STXBP5: variants seen among roughly 807,000 people sequenced by gnomAD.
STXBP5 encodes syntaxin binding protein 5.
A neutral mutation model predicts 152.4 loss-of-function variants in STXBP5; 50 were observed. That is an observed-to-expected ratio of 0.33 (90% CI 0.26 to 0.42). The LOEUF (loss-of-function observed/expected upper bound fraction) is 0.42. STXBP5 is among the 10% of genes least tolerant of loss of function. STXBP5 has a pLI of 1.00. For missense variants in STXBP5, 1,167 were observed against 1,388.6 expected, an observed-to-expected ratio of 0.84 and a Z score of 2.54; for synonymous variants, 492 against 494.7, an observed-to-expected ratio of 0.99 and a Z score of 0.07.
chr6:147,248,526 A>G (rs906596272), intron 4 of STXBP5, among the ~76,000 whole-genome samples: 1 of 152,198 alleles, frequency 6.6e-6, no homozygotes, highest in African/African-American at 2.4e-5. Flanking sequence ...CAGAATGGCT[A>G]AAATGTTAGT....
At chr6:147,260,510 C>T in intron 4 of STXBP5, 105 bp from the exon 5 acceptor site, 2 of 1,228,906 alleles carry the variant, frequency 1.6e-6, no homozygotes, top group Non-Finnish European at 2.3e-6. Context: ...GATTATATAC[C>T]AGTTTTGCTG....
In STXBP5 at chr6:147,385,288, T is replaced by A. The variant is rs11545227; in HGVS notation, c.*533T>A. 0.031 allele frequency: 4,796 copies of A among 152,690 alleles called. 126 individuals carry two copies. Among genetic ancestry groups the A allele is most frequent in the Non-Finnish European group, 0.046 (3,138 of 68,364 alleles). 9.5% of individuals were successfully genotyped at this position (152,690 alleles called of 1,614,324 possible). ...TGAAAAAGAAACAAATTGTTTGTTA[T>A]CATCTCTTTAGACAGATAAGCTGAA... On this transcript the variant is annotated 3_prime_UTR_variant, in exon 28 of 28. Transcript: ENST00000321680.
At chr6:147,316,175 A>G (rs1782634421) in intron 15 of STXBP5, 54 bp from the exon 16 acceptor site, 1 of 1,545,464 alleles carries the variant, frequency 6.5e-7, no homozygotes, top group Admixed American at 1.7e-5. Flanking sequence ...ATAAATTGTG[A>G]TAAAATGAGC....
At chr6:147,277,719 G>T (rs774032133) in intron 7 of STXBP5, among the ~76,000 whole-genome samples, 2 of 152,048 alleles carry the variant, frequency 1.3e-5, no homozygotes, top group Non-Finnish European at 2.9e-5. Flanking sequence ...ATTGCAACTA[G>T]TTTTTCTATT....
intron 9 of STXBP5, among the ~76,000 whole-genome samples, chr6:147,295,740 T>A (rs1046321340): frequency 2.0e-5 from 3 of 152,180 alleles, no homozygotes; most frequent in Admixed American, 2.0e-4. Flanking sequence ...AATTCTACAG[T>A]ACTCATAGGC....
intron 22 of STXBP5, among the ~76,000 whole-genome samples, chr6:147,354,475 A>AT (rs1784728622): frequency 6.6e-6 from 1 of 152,072 alleles, no homozygotes; most frequent in Non-Finnish European, 1.5e-5. Context: ...AAAAAAAAAA[A>AT]ACAGGTATAA....
intron 19 of STXBP5, among the ~76,000 whole-genome samples, chr6:147,335,185 C>A (rs952563581): frequency 3.3e-5 from 5 of 151,974 alleles, no homozygotes; most frequent in African/African-American, 1.2e-4. Context: ...ACTAATAAAA[C>A]ATATGGAGGA....
chr6:147,213,477 T>TGTGTGCGCGCGCGCGCGCGCGCGCGC, intron 2 of STXBP5, among the ~76,000 whole-genome samples: 7 of 131,268 alleles, frequency 5.3e-5, no homozygotes, highest in Non-Finnish European at 9.5e-5. Context: ...TGTGTGTGTG[T>TGTGTGCGCGCGCGCGCGCGCGCGCGC]GCGCGCGCAT....
At chr6:147,320,420 C>G (rs959049635) in intron 16 of STXBP5, among the ~76,000 whole-genome samples, 12 of 152,064 alleles carry the variant, frequency 7.9e-5, no homozygotes, top group Admixed American at 7.2e-4. Flanking sequence ...TTAATTATTT[C>G]CATATTTACC....
intron 2 of STXBP5, among the ~76,000 whole-genome samples, chr6:147,210,798 G>A (rs942763610): frequency 2.1e-4 from 32 of 152,272 alleles, no homozygotes; most frequent in African/African-American, 6.5e-4. Flanking sequence ...AAGGGATATT[G>A]TGGTGGATAC....
At chr6:147,348,879 A>G (rs1339777006) in intron 21 of STXBP5, among the ~76,000 whole-genome samples, 1 of 152,212 alleles carries the variant, frequency 6.6e-6, no homozygotes, top group Non-Finnish European at 1.5e-5. Context: ...AAGCAGCAGG[A>G]TACTGATTTC....
intron 4 of STXBP5, among the ~76,000 whole-genome samples, chr6:147,242,566 C>T (rs1054811315): frequency 2.0e-5 from 3 of 152,226 alleles, no homozygotes; most frequent in East Asian, 3.9e-4. Flanking sequence ...ATTTTTTAAT[C>T]TTTTATACTA....
intron 2 of STXBP5, among the ~76,000 whole-genome samples, chr6:147,221,538 C>A (rs1287073880): frequency 1.3e-5 from 2 of 151,292 alleles, no homozygotes; most frequent in Non-Finnish European, 2.9e-5. Context: ...GTACAGAATT[C>A]CAGTTTTTTT....
intron 24 of STXBP5, 57 bp from the exon 25 acceptor site, chr6:147,363,944 T>A (rs550217663): frequency 3.2e-6 from 5 of 1,539,162 alleles, no homozygotes; most frequent in Non-Finnish European, 4.4e-6. Flanking sequence ...ACAATGATAG[T>A]GTGTTCAAGA....
intron 4 of STXBP5, among the ~76,000 whole-genome samples, chr6:147,253,940 A>G (rs557511530): frequency 6.6e-6 from 1 of 152,330 alleles, no homozygotes; most frequent in South Asian, 2.1e-4. Context: ...ATTAGAAAAA[A>G]AAACTTTAAA....
rs61645687 is a variant in STXBP5, at chr6:147,251,021, C to T, written c.432-9594C>T. Reference sequence around the variant, plus strand: ...AGGCCGAATAGAATAGAAACAGCTCCAATCTGCAGCTCCCAGCAAGATCAA... The same window carrying T: ...AGGCCGAATAGAATAGAAACAGCTCTAATCTGCAGCTCCCAGCAAGATCAA... On this transcript the variant is annotated intron_variant, in intron 4 of 27. Transcript: ENST00000321680. 4.0e-3 allele frequency among the ~76,000 whole-genome samples: 599 copies of T among 148,438 alleles called. 6 individuals carry two copies. The highest frequency in any genetic ancestry group is 0.014 in the African/African-American group (572 of 40,198).
chr6:147,346,300 T>G (rs1405703666), intron 21 of STXBP5, among the ~76,000 whole-genome samples: 1 of 152,084 alleles, frequency 6.6e-6, no homozygotes, highest in Non-Finnish European at 1.5e-5. Flanking sequence ...ATCACAAAGT[T>G]ATACCAGTGT....
intron 23 of STXBP5, 97 bp from the exon 24 acceptor site, chr6:147,363,238 A>C: frequency 2.4e-6 from 3 of 1,264,008 alleles, no homozygotes; most frequent in Non-Finnish European, 3.2e-6. Context: ...TGCGTTCAGC[A>C]TATATTTAAG....
intron 18 of STXBP5, among the ~76,000 whole-genome samples, chr6:147,333,455 C>T (rs750816047): frequency 2.4e-4 from 36 of 152,206 alleles, no homozygotes; most frequent in Non-Finnish European, 3.5e-4. Context: ...ACCCAGGATG[C>T]GCAGGTTGCG....
Sources: gnomAD v4.1 joint callset for allele counts (sites outside exome capture counted in the v4.1 genomes callset) on GRCh38, gnomAD v4.1.1 for gene constraint, MANE v1.5 for transcripts, NCBI Gene and HGNC (gene_info 2026-07-23, HGNC 2026-07-21) for gene names.